TRHDE: variants seen among roughly 807,000 people sequenced by gnomAD.
TRHDE encodes thyrotropin-releasing hormone-degrading ectoenzyme.
TRHDE carries 72 observed loss-of-function variants against 125.7 expected under a neutral mutation model. The observed-to-expected ratio is 0.57, with a 90% CI of 0.47 to 0.70. The LOEUF (loss-of-function observed/expected upper bound fraction) is 0.70. Among genes scored for constraint, TRHDE ranks in the 30% least tolerant of loss-of-function variants. The probability of loss-of-function intolerance (pLI) is 0.00; values close to 1 mark genes in which losing one functional copy is unlikely to be tolerated. For synonymous variants in TRHDE, 509 were observed against 509.1 expected (o/e 1.00, Z 0.00); for missense variants, 1,110 against 1,327.1 (o/e 0.84, Z 2.54).
chr12:72,646,880 A>C (rs1874303870), intron 15 of TRHDE, among the ~76,000 whole-genome samples: 1 of 152,078 alleles, frequency 6.6e-6, no homozygotes, highest in South Asian at 2.1e-4. Flanking sequence ...AAACATTAAA[A>C]ATAGCAGTAT....
intron 6 of TRHDE, among the ~76,000 whole-genome samples, chr12:72,517,823 C>T (rs954479051): frequency 3.3e-5 from 5 of 151,722 alleles, no homozygotes; most frequent in African/African-American, 1.2e-4. Context: ...TGAATGCGTC[C>T]CAGAGATTCT....
At chr12:72,324,686 G>A (rs562384982) in intron 2 of TRHDE, among the ~76,000 whole-genome samples, 4 of 152,140 alleles carry the variant, frequency 2.6e-5, no homozygotes, top group African/African-American at 2.4e-5. Flanking sequence ...GAAATGGGGC[G>A]GAATGTCACT....
intron 3 of TRHDE, among the ~76,000 whole-genome samples, chr12:72,453,722 G>T (rs551452604): frequency 7.7e-4 from 117 of 152,298 alleles, no homozygotes; most frequent in Non-Finnish European, 1.3e-3. Context: ...CCTGAGCCAG[G>T]CTCAGAGCCC....
rs183437859 is a variant in TRHDE at position 72,479,115 on chromosome 12, A to G, written c.1584+5935A>G. ...GGTTAACATGGCATTGGCCATGTTA[A>G]GAACATCTGTTAGAAAGATGAATGA... is the stretch of plus-strand genomic sequence containing the variant. On this transcript the variant is annotated intron_variant, in intron 5 of 18. Transcript: ENST00000261180. 2.0e-5 allele frequency among the ~76,000 whole-genome samples: 3 copies of G among 152,024 alleles called. No homozygotes were observed. In the East Asian group the frequency reaches 5.8e-4, roughly 29 times the overall value.
intron 1 of TRHDE, among the ~76,000 whole-genome samples, chr12:72,094,309 G>T (rs1210305707): frequency 6.6e-6 from 1 of 152,118 alleles, no homozygotes; most frequent in Non-Finnish European, 1.5e-5. Flanking sequence ...CTGGACTATG[G>T]CTGAGAGGGG....
chr12:72,495,679 C>T (rs1435423273), intron 5 of TRHDE, among the ~76,000 whole-genome samples: 1 of 152,010 alleles, frequency 6.6e-6, no homozygotes, highest in African/African-American at 2.4e-5. Context: ...TATATTCATT[C>T]CTCAAATGCT....
chr12:72,623,360 T>C (rs948076479), intron 15 of TRHDE, among the ~76,000 whole-genome samples: 4 of 152,038 alleles, frequency 2.6e-5, no homozygotes. Context: ...CACATAAACA[T>C]GTTTTTCTAC....
At position 72,577,848 on chromosome 12, in the gene TRHDE, C is replaced by A. The variant is rs560704775; in HGVS notation, c.2321+2306C>A. On this transcript the variant is annotated intron_variant, in intron 12 of 18. Transcript: ENST00000261180. ...AAGTTGAAGTAAATAATTTCATGATCATTTGTATAAATTCACCAGAAAAAC... is the reference window on the plus strand; with the variant it reads ...AAGTTGAAGTAAATAATTTCATGATAATTTGTATAAATTCACCAGAAAAAC... Among the ~76,000 whole-genome samples, 5 of 152,100 alleles carry A rather than the reference C, an allele frequency of 3.3e-5. No homozygotes were observed. In the East Asian group the frequency reaches 9.7e-4, roughly 29 times the overall value.
intron 2 of TRHDE, among the ~76,000 whole-genome samples, chr12:72,187,477 C>CGTGGTG (rs1168433112): frequency 4.4e-4 from 46 of 104,636 alleles, no homozygotes; most frequent in South Asian, 9.0e-4. Context: ...TGGTTGTGGT[C>CGTGGTG]GTGGTGGTGG....
intron 2 of TRHDE, among the ~76,000 whole-genome samples, chr12:72,235,757 A>T (rs1878327101): frequency 6.7e-6 from 1 of 150,258 alleles, no homozygotes. Flanking sequence ...TCTCAGGCAG[A>T]TCATCAGAGC....
At chr12:72,505,442 A>G (rs867417570) in intron 6 of TRHDE, among the ~76,000 whole-genome samples, 2 of 152,174 alleles carry the variant, frequency 1.3e-5, no homozygotes, top group South Asian at 2.1e-4. Flanking sequence ...CAGTGACCCA[A>G]TGACCTAGAT....
chr12:72,168,935 C>T (rs1426586111), intron 2 of TRHDE, among the ~76,000 whole-genome samples: 1 of 152,056 alleles, frequency 6.6e-6, no homozygotes, highest in Non-Finnish European at 1.5e-5. Flanking sequence ...AGAAAAGAGA[C>T]CTTTAATAAG....
intron 2 of TRHDE, among the ~76,000 whole-genome samples, chr12:72,161,208 G>T (rs1049151965): frequency 6.6e-6 from 1 of 152,180 alleles, no homozygotes; most frequent in African/African-American, 2.4e-5. Context: ...GCCAAGGCTG[G>T]CAGATCACGA....
At chr12:72,637,067 C>T (rs1484326192) in intron 15 of TRHDE, among the ~76,000 whole-genome samples, 3 of 152,144 alleles carry the variant, frequency 2.0e-5, no homozygotes, top group Non-Finnish European at 4.4e-5. Context: ...GGAATAGTTT[C>T]AGAAGGAATG....
intron 2 of TRHDE, among the ~76,000 whole-genome samples, chr12:72,352,237 G>GA (rs147186071): frequency 0.025 from 3,635 of 144,108 alleles, 137 homozygotes; most frequent in African/African-American, 0.086. Context: ...TGTTGGGAGA[G>GA]AAAAAAAAAA....
intron 1 of TRHDE, among the ~76,000 whole-genome samples, chr12:72,284,166 A>G (rs1199796181): frequency 2.0e-5 from 3 of 152,078 alleles, no homozygotes; most frequent in African/African-American, 4.8e-5. Flanking sequence ...ACATAATGCA[A>G]ATATTCCAAA....
intron 2 of TRHDE, among the ~76,000 whole-genome samples, chr12:72,205,690 T>C (rs1333669557): frequency 6.6e-6 from 1 of 152,254 alleles, no homozygotes; most frequent in Non-Finnish European, 1.5e-5. Context: ...GACAGAATTT[T>C]CCTTTTTTAA....
At chr12:72,481,491 A>G (rs566045267) in intron 5 of TRHDE, among the ~76,000 whole-genome samples, 1 of 151,484 alleles carries the variant, frequency 6.6e-6, no homozygotes, top group Non-Finnish European at 1.5e-5. Flanking sequence ...AACACTTTAC[A>G]TATATTAATT....
At chr12:72,284,140 A>T (rs945130596) in intron 1 of TRHDE, among the ~76,000 whole-genome samples, 3 of 152,100 alleles carry the variant, frequency 2.0e-5, no homozygotes, top group Admixed American at 6.6e-5. Flanking sequence ...TGGGTTAGGG[A>T]TGCTCAGCTG....
Sources: allele counts gnomAD v4.1 joint callset (sites outside exome capture counted in the v4.1 genomes callset), GRCh38; gene constraint gnomAD v4.1.1; transcripts MANE v1.5; gene names NCBI Gene and HGNC (gene_info 2026-07-23, HGNC 2026-07-21).